Variants in LHFPL4 observed in about 807,000 individuals in gnomAD.
LHFPL4 encodes LHFPL tetraspan subfamily member 4.
Under a neutral mutation model 20.0 loss-of-function variants are expected in LHFPL4, and 6 were observed. That is an observed-to-expected ratio of 0.30 (90% CI 0.16 to 0.59). The LOEUF (loss-of-function observed/expected upper bound fraction) is 0.59, where lower values mean the gene tolerates loss of function less well. Among genes scored for constraint, LHFPL4 ranks in the 20% least tolerant of loss-of-function variants. LHFPL4 has a pLI of 0.88. For synonymous variants in LHFPL4, 129 were observed against 143.8 expected (o/e 0.90, Z 0.74); for missense variants, 215 against 331.2 (o/e 0.65, Z 2.72).
intron 2 of LHFPL4, among the ~76,000 whole-genome samples, chr3:9,541,654 C>G (rs948514131): frequency 2.0e-5 from 3 of 151,898 alleles, no homozygotes; most frequent in African/African-American, 7.3e-5. Flanking sequence ...TGCCTGTAAT[C>G]CCATCTAATA....
chr3:9,538,389 C>A (rs1401749146), intron 2 of LHFPL4, among the ~76,000 whole-genome samples: 2 of 152,198 alleles, frequency 1.3e-5, no homozygotes, highest in Non-Finnish European at 2.9e-5. Context: ...GGCTCCTCTC[C>A]CAACTGTTCC....
At chr3:9,549,722 G>A (rs563342681) in intron 2 of LHFPL4, among the ~76,000 whole-genome samples, 3 of 152,098 alleles carry the variant, frequency 2.0e-5, no homozygotes, top group East Asian at 1.9e-4. Flanking sequence ...AAGTTAACAG[G>A]TACAAAATCA....
At chr3:9,541,543 G>T (rs548530734) in intron 2 of LHFPL4, among the ~76,000 whole-genome samples, 17 of 152,142 alleles carry the variant, frequency 1.1e-4, no homozygotes, top group African/African-American at 4.1e-4. Flanking sequence ...AGGCCAAGGC[G>T]GGTGGATCAC....
chr3:9,532,548 G>C (rs2046416493), intron 2 of LHFPL4, among the ~76,000 whole-genome samples: 1 of 151,702 alleles, frequency 6.6e-6, no homozygotes, highest in African/African-American at 2.4e-5. Flanking sequence ...CTCTCTTTCT[G>C]GGCTTGTCTC....
chr3:9,543,133 T>C (rs1335276960), intron 2 of LHFPL4, among the ~76,000 whole-genome samples: 1 of 152,118 alleles, frequency 6.6e-6, no homozygotes, highest in African/African-American at 2.4e-5. Flanking sequence ...GGGTGGGCAG[T>C]GTGGCTTCTT....
At chr3:9,519,648 T>TTA (rs2046325932) in intron 2 of LHFPL4, among the ~76,000 whole-genome samples, 1 of 152,034 alleles carries the variant, frequency 6.6e-6, no homozygotes, top group African/African-American at 2.4e-5. Flanking sequence ...AGCTTCAGAC[T>TTA]CCTGGGCTCA....
chr3:9,506,120 C>T lies in LHFPL4; in HGVS notation c.490G>A (p.Gly164Arg). Residue 164 changes from glycine (G) to arginine (R), a missense_variant, in exon 3 of 4, where the codon GGG (glycine) becomes AGG (arginine). Coordinates refer to ENST00000287585, the MANE Select transcript of LHFPL4 (RefSeq NM_198560.3). This position sits in a 1 kb window ranked among gnomAD's most constrained non-coding sequence, Gnocchi z 4.5. ...GAACAGTCCCCCAGGGAGTACTTCC[C>T]CGTCTTGGCCCCACACATGTCCCGG... Reference protein sequence around the residue: ...TIRDMCGAKTGKYSLGDCSVR... With the variant: ...TIRDMCGAKTRKYSLGDCSVR... 2 of 1,614,186 alleles carry T rather than the reference C, an allele frequency of 1.2e-6. No individual in the cohort carries two copies. Among genetic ancestry groups the T allele is most frequent in the Non-Finnish European group, 1.7e-6 (2 of 1,180,032 alleles).
chr3:9,534,858 G>A (rs1465504864), intron 2 of LHFPL4, among the ~76,000 whole-genome samples: 1 of 152,146 alleles, frequency 6.6e-6, no homozygotes, highest in Non-Finnish European at 1.5e-5. Context: ...CCAATTTACA[G>A]GAATTTATCG....
intron 2 of LHFPL4, among the ~76,000 whole-genome samples, chr3:9,545,944 T>C (rs957933533): frequency 1.3e-5 from 2 of 150,556 alleles, no homozygotes; most frequent in African/African-American, 2.4e-5. Context: ...TGGAGAGAAA[T>C]GTAGATGAAT....
chr3:9,520,760 A>G (rs77803975), intron 2 of LHFPL4, among the ~76,000 whole-genome samples: 1,831 of 152,194 alleles, frequency 0.012, 46 homozygotes, highest in African/African-American at 0.042. Context: ...TTTAACTCCA[A>G]TGTGTTCTGA....
rs2046167181 is a variant in LHFPL4, at chr3:9,500,931, CT to C, written c.*1279del. ...GGTGGAGGGGGGAGAAACTTCTCAC[CT>C]GTCCCCCAACACACACACACACACA... On this transcript the variant is annotated 3_prime_UTR_variant, in exon 4 of 4. Coordinates refer to ENST00000287585, the MANE Select transcript of LHFPL4 (RefSeq NM_198560.3). 2.6e-5 allele frequency: 4 copies of C among 151,382 alleles called. No individual in the cohort carries two copies. In the Admixed American group the frequency reaches 2.6e-4, roughly 10 times the overall value. The allele number at this position is 151,382 out of a possible 1,614,324, so 9.4% of individuals were successfully genotyped here. A position where few individuals can be genotyped will look rare whatever the true frequency, so the allele number is the denominator to read the frequency against.
At chr3:9,525,047 T>C (rs1184607871) in intron 2 of LHFPL4, among the ~76,000 whole-genome samples, 2 of 152,090 alleles carry the variant, frequency 1.3e-5, no homozygotes, top group African/African-American at 4.8e-5. Context: ...GCAGATGGAG[T>C]TTCCTTCCCC....
intron 2 of LHFPL4, among the ~76,000 whole-genome samples, chr3:9,523,077 G>GACGAAAGAAAGA (rs2046349931): frequency 8.8e-6 from 1 of 114,034 alleles, no homozygotes; most frequent in Non-Finnish European, 1.8e-5. Context: ...GAAAGAAAAG[G>GACGAAAGAAAGA]AAGAAAGAAA....
At chr3:9,536,472 G>C (rs1298249164) in intron 2 of LHFPL4, among the ~76,000 whole-genome samples, 1 of 152,114 alleles carries the variant, frequency 6.6e-6, no homozygotes, top group Non-Finnish European at 1.5e-5. Flanking sequence ...TTGCAAGGCT[G>C]ACTAACTCAA....
intron 2 of LHFPL4, among the ~76,000 whole-genome samples, chr3:9,528,010 A>C (rs2046385937): frequency 6.6e-6 from 1 of 152,206 alleles, no homozygotes; most frequent in Non-Finnish European, 1.5e-5. Context: ...GTCTAAAAAA[A>C]ACCCAATGTG....
At chr3:9,515,733 T>C (rs1454677044) in intron 2 of LHFPL4, among the ~76,000 whole-genome samples, 7 of 147,882 alleles carry the variant, frequency 4.7e-5, no homozygotes, top group Non-Finnish European at 9.0e-5. Flanking sequence ...TTTTTTTTTT[T>C]CTTTTGAGAG....
chr3:9,537,986 A>G (rs1277866121), intron 2 of LHFPL4, among the ~76,000 whole-genome samples: 3 of 151,734 alleles, frequency 2.0e-5, no homozygotes, highest in Non-Finnish European at 4.4e-5. Flanking sequence ...CTCTTCCTCC[A>G]CCCTAGGTCT....
In LHFPL4 at chr3:9,505,953, C is replaced by G; in HGVS notation, c.643+14G>C. 6.2e-7 allele frequency: 1 copy of G among 1,612,918 alleles called. No homozygotes were observed. Among genetic ancestry groups the G allele is most frequent in the Non-Finnish European group, 8.5e-7 (1 of 1,179,014 alleles). ...TGGCTCCCGCCGCTGCCCCCCAGCC[C>G]ACAGCACACTCGCCTTTGTTCTCCG... On this transcript the variant is annotated intron_variant, in intron 3 of 3. Coordinates refer to ENST00000287585, the MANE Select transcript of LHFPL4 (RefSeq NM_198560.3).
intron 3 of LHFPL4, among the ~76,000 whole-genome samples, chr3:9,502,869 C>A (rs1015242526): frequency 6.6e-6 from 1 of 152,046 alleles, no homozygotes. Context: ...CAGGGTAATT[C>A]CGAAGGGTCA....
Sources: allele counts gnomAD v4.1 joint callset (sites outside exome capture counted in the v4.1 genomes callset), GRCh38; gene constraint gnomAD v4.1.1; non-coding constraint Gnocchi (gnomAD v3.1); transcripts MANE v1.5; gene names NCBI Gene and HGNC (gene_info 2026-07-23, HGNC 2026-07-21).